The following RXFP2 variants were observed in gnomAD, a reference collection of about 807,000 sequenced individuals.
RXFP2 encodes relaxin receptor 2.
Under a neutral mutation model 88.6 loss-of-function variants are expected in RXFP2, and 68 were observed. That is an observed-to-expected ratio of 0.77 (90% CI 0.63 to 0.94). The LOEUF (loss-of-function observed/expected upper bound fraction) is 0.94. Ranked by LOEUF, RXFP2 falls within the 40% of genes least tolerant of loss-of-function variation. The pLI is 0.00. For missense variants in RXFP2, 791 were observed against 893.9 expected (o/e 0.88, Z 1.47); for synonymous variants, 329 against 306.8 (o/e 1.07, Z -0.76).
intron 3 of RXFP2, among the ~76,000 whole-genome samples, chr13:31,762,475 C>T (rs996160121): frequency 2.6e-5 from 4 of 152,170 alleles, no homozygotes; most frequent in African/African-American, 9.7e-5. Flanking sequence ...GGGCAGGAGC[C>T]GAGCCTAGAA....
At chr13:31,763,853 G>A (rs896927345) in intron 3 of RXFP2, among the ~76,000 whole-genome samples, 9 of 152,048 alleles carry the variant, frequency 5.9e-5, no homozygotes, top group African/African-American at 1.4e-4. Flanking sequence ...AAACATTGAC[G>A]TAAGCATATG....
rs150019046 is a variant in RXFP2, at chr13:31,781,728, T to C, written c.843T>C (p.Asp281=). The C allele has an allele frequency of 9.2e-5, 149 of 1,611,536 alleles. No homozygotes were observed. The highest frequency in any genetic ancestry group is 5.0e-4 in the Middle Eastern group (3 of 6,046). ...YLTNSTFLSC[D]SLTVLFLPRN... ...CAAATTCTACGTTTCTGTCGTGCGA[T>C]TCGCTCACAGTGCTGTAAGTATACA... The change falls in exon 10 of 18, where the codon GAT becomes GAC. Residue 281 remains aspartate (D), a synonymous_variant. Transcript: ENST00000298386.
Position 31,802,253 on chromosome 13 carries a change from C to G in RXFP2, c.2113C>G (p.Leu705Val), listed in dbSNP as rs375839717. 4.3e-6 allele frequency: 7 copies of G among 1,613,862 alleles called. No homozygotes were observed. In the African/African-American group the frequency reaches 9.3e-5, roughly 22 times the overall value. The change falls in exon 18 of 18, where the codon CTG becomes GTG. Residue 705 changes from leucine to valine, a missense_variant. Coordinates refer to ENST00000298386, the MANE Select transcript of RXFP2 (RefSeq NM_130806.5). ...TNFFKDKLKQ[L>V]LHKHQRKSIF... ...CTTTTTTAAGGACAAGTTGAAACAG[C>G]TGCTGCACAAACATCAGAGGAAATC... is the stretch of plus-strand genomic sequence containing the variant.
rs7338341 is a variant in RXFP2 at position 31,802,581 on chromosome 13, A to G, written c.*176A>G. 0.6 allele frequency: 427,094 copies of G among 717,668 alleles called. 129,059 individuals are homozygous for G. The highest frequency in any genetic ancestry group is 0.77 in the East Asian group (30,210 of 39,372). 44.5% of individuals were successfully genotyped at this position (717,668 alleles called of 1,614,324 possible). A position where few individuals can be genotyped will look rare whatever the true frequency, so the allele number is the denominator to read the frequency against. On this transcript the variant is annotated 3_prime_UTR_variant, in exon 18 of 18. Coordinates refer to ENST00000298386, the MANE Select transcript of RXFP2 (RefSeq NM_130806.5). ...ATGGCAGCTGTACTATCTACCAACC[A>G]TGCTGAGGACAGCACCAAAGGTTCC...
intron 2 of RXFP2, among the ~76,000 whole-genome samples, chr13:31,759,434 A>AAAGAAAGAAAG (rs1872187429): frequency 2.9e-5 from 4 of 136,562 alleles, no homozygotes; most frequent in African/African-American, 8.2e-5. Context: ...AGAAAGAAAG[A>AAAGAAAGAAAG]AAGAAAGAAA....
intron 3 of RXFP2, among the ~76,000 whole-genome samples, chr13:31,762,336 T>C (rs1281640174): frequency 6.6e-6 from 1 of 152,154 alleles, no homozygotes; most frequent in East Asian, 1.9e-4. Context: ...TTGAAGTCCA[T>C]GGATGAAGGA....
chr13:31,789,633 T>A (rs1236216557), intron 14 of RXFP2, among the ~76,000 whole-genome samples: 1 of 152,228 alleles, frequency 6.6e-6, no homozygotes, highest in Non-Finnish European at 1.5e-5. Flanking sequence ...AGGTAATTAA[T>A]CTTTATAGTA....
chr13:31,802,066 C>T, intron 17 of RXFP2, 80 bp from the exon 18 acceptor site: 2 of 1,392,248 alleles, frequency 1.4e-6, no homozygotes, highest in Non-Finnish European at 1.0e-6. Flanking sequence ...TCATAAATAG[C>T]ATTGACTGCA....
chr13:31,749,852 AT>A (rs1405028342), intron 1 of RXFP2, among the ~76,000 whole-genome samples: 1 of 152,144 alleles, frequency 6.6e-6, no homozygotes, highest in African/African-American at 2.4e-5. Flanking sequence ...TATGCCATTA[AT>A]TTACTCTCCT....
At chr13:31,788,933 A>G (rs1873670872) in intron 13 of RXFP2, among the ~76,000 whole-genome samples, 189 bp from the exon 14 acceptor site, 1 of 152,236 alleles carries the variant, frequency 6.6e-6, no homozygotes, top group Non-Finnish European at 1.5e-5. Context: ...AAATGACACA[A>G]TCAGCGCCAA....
At chr13:31,789,849 A>C (rs1216231972) in intron 14 of RXFP2, among the ~76,000 whole-genome samples, 3 of 152,220 alleles carry the variant, frequency 2.0e-5, no homozygotes, top group Non-Finnish European at 4.4e-5. Context: ...GGTGGCTGTG[A>C]AGGTGCTCTT....
At chr13:31,751,097 C>T (rs1871650730) in intron 1 of RXFP2, among the ~76,000 whole-genome samples, 1 of 152,002 alleles carries the variant, frequency 6.6e-6, no homozygotes, top group Admixed American at 6.6e-5. Flanking sequence ...CAAGACCAGC[C>T]TGATTGACAT....
chr13:31,793,955 A>T (rs1340002081), intron 16 of RXFP2, among the ~76,000 whole-genome samples: 1 of 152,132 alleles, frequency 6.6e-6, no homozygotes, highest in Non-Finnish European at 1.5e-5. Context: ...CTGGTCTCGT[A>T]ACCTCTGGGA....
chr13:31,759,422 A>AAAGAAAG (rs1566218535), intron 2 of RXFP2, among the ~76,000 whole-genome samples: 20 of 150,440 alleles, frequency 1.3e-4, no homozygotes, highest in Non-Finnish European at 1.8e-4. Context: ...AGAAAGAAAG[A>AAAGAAAG]AAGAAAGAAA....
In RXFP2 at chr13:31,786,465, C is replaced by T; in HGVS notation, c.1001+11C>T. 1 of 1,589,574 alleles carries T rather than the reference C, an allele frequency of 6.3e-7. No homozygotes were observed. The highest frequency in any genetic ancestry group is 8.6e-7 in the Non-Finnish European group (1 of 1,157,840). Reference sequence around the variant, plus strand: ...GCTTCTACAAAAGCTGTAAGTTCTACTTCTCACCATAATCAGATTTAAAGG... The same window carrying T: ...GCTTCTACAAAAGCTGTAAGTTCTATTTCTCACCATAATCAGATTTAAAGG... On this transcript the variant is annotated intron_variant, in intron 12 of 17. Coordinates refer to ENST00000298386, the MANE Select transcript of RXFP2 (RefSeq NM_130806.5).
At chr13:31,766,784 G>C (rs1238186695) in intron 5 of RXFP2, among the ~76,000 whole-genome samples, 3 of 152,146 alleles carry the variant, frequency 2.0e-5, no homozygotes, top group African/African-American at 4.8e-5. Context: ...TAGAGAATAA[G>C]AGCATTCCTA....
chr13:31,772,666 G>C (rs1204080019), intron 5 of RXFP2, among the ~76,000 whole-genome samples: 2 of 152,192 alleles, frequency 1.3e-5, no homozygotes, highest in East Asian at 3.8e-4. Flanking sequence ...TGGAACGTAG[G>C]AGGGACTACA....
At chr13:31,759,591 G>T (rs1378518788) in intron 2 of RXFP2, among the ~76,000 whole-genome samples, 1 of 151,904 alleles carries the variant, frequency 6.6e-6, no homozygotes, top group African/African-American at 2.4e-5. Flanking sequence ...GAATGAAGGG[G>T]TAACCAGAGA....
At position 31,803,192 on chromosome 13, in the gene RXFP2, T is replaced by A. The variant is rs759520881; in HGVS notation, c.*787T>A. 5.3e-5 allele frequency: 8 copies of A among 152,242 alleles called. No homozygotes were observed. Among genetic ancestry groups the A allele is most frequent in the Non-Finnish European group, 7.3e-5 (5 of 68,056 alleles). The allele number at this position is 152,242 out of a possible 1,614,324, so 9.4% of individuals were successfully genotyped here. On this transcript the variant is annotated 3_prime_UTR_variant, in exon 18 of 18. Transcript: ENST00000298386. ...CTATTGCTGGCAAGTTCTGCTTTCA[T>A]AAAATATGCAGATAAGAAGTGTTAA... is the stretch of plus-strand genomic sequence containing the variant.
Sources: allele counts gnomAD v4.1 joint callset (sites outside exome capture counted in the v4.1 genomes callset), GRCh38; gene constraint gnomAD v4.1.1; transcripts MANE v1.5; gene names NCBI Gene and HGNC (gene_info 2026-07-23, HGNC 2026-07-21).